The following TNNI3K variants were observed in gnomAD, a reference collection of about 807,000 sequenced individuals.
The protein encoded by TNNI3K is TNNI3 interacting kinase, also known as serine/threonine-protein kinase TNNI3K.
TNNI3K carries 140 observed loss-of-function variants against 114.5 expected under a neutral mutation model. The observed-to-expected ratio is 1.22, with a 90% CI of 1.07 to 1.41. The LOEUF is 1.41. Ranked by LOEUF, TNNI3K falls within the 40% of genes most tolerant of loss-of-function variation. The pLI, the probability that TNNI3K is intolerant of heterozygous loss-of-function variation, is 0.00. For missense variants in TNNI3K, 1,125 were observed against 1,007.6 expected (o/e 1.12, Z -1.58); for synonymous variants, 347 against 347.5 (o/e 1.00, Z 0.02).
intron 21 of TNNI3K, chr1:74,468,265 G>GAAA (rs200871932): frequency 7.8e-6 from 1 of 128,970 alleles, no homozygotes; most frequent in South Asian, 2.4e-4. Context: ...TAAAGAAGAA[G>GAAA]AAAAAAAAAA....
intron 5 of TNNI3K, among the ~76,000 whole-genome samples, chr1:74,289,486 G>GCATTACAGTCCTGTGCTATA (rs369263112): frequency 7.5e-4 from 2 of 2,678 alleles, no homozygotes; most frequent in Admixed American, 5.0e-3. Context: ...CATAGGTAGT[G>GCATTACAGTCCTGTGCTATA]TCATTAGTCT....
chr1:74,471,104 A>G (rs1667910246), intron 21 of TNNI3K: 1 of 400,722 alleles, frequency 2.5e-6, no homozygotes, highest in Admixed American at 4.4e-5. Flanking sequence ...GGTTGGGGCA[A>G]TTTTGATGTG....
chr1:74,333,216 G>A (rs1660303566), intron 6 of TNNI3K, among the ~76,000 whole-genome samples: 2 of 152,154 alleles, frequency 1.3e-5, no homozygotes, highest in African/African-American at 2.4e-5. Flanking sequence ...TCCTCTGCTA[G>A]CTGGCATATG....
intron 21 of TNNI3K, among the ~76,000 whole-genome samples, chr1:74,466,093 G>T (rs76063116): frequency 1.3e-5 from 2 of 152,162 alleles, no homozygotes; most frequent in African/African-American, 4.8e-5. Flanking sequence ...GCAAGACCAC[G>T]AACCCACCAG....
rs138609658 is a variant in TNNI3K at position 74,540,599 on chromosome 1, CT to C, written c.2431+293del. Among the ~76,000 whole-genome samples, 676 of 110,222 alleles carry C rather than the reference CT, an allele frequency of 6.1e-3. 2 individuals are homozygous for C. The highest frequency in any genetic ancestry group is 0.022 in the African/African-American group (496 of 22,046). 72.3% of individuals were successfully genotyped at this position (110,222 alleles called of 152,430 possible). ...TGTGTACATAGAAAAAAGTACAACT[CT>C]TTTTTTAAAAAAAAAAAAAAACTCC... On this transcript the variant is annotated intron_variant, in intron 24 of 24. Coordinates refer to ENST00000326637, the MANE Select transcript of TNNI3K (RefSeq NM_015978.3).
intron 17 of TNNI3K, among the ~76,000 whole-genome samples, chr1:74,402,347 ATAG>A (rs1228902160): frequency 6.6e-6 from 1 of 152,206 alleles, no homozygotes; most frequent in Non-Finnish European, 1.5e-5. Context: ...AAAGCAAGGA[ATAG>A]TAAGATATTA....
At chr1:74,348,813 A>G (rs1353626170) in intron 9 of TNNI3K, among the ~76,000 whole-genome samples, 1 of 152,128 alleles carries the variant, frequency 6.6e-6, no homozygotes, top group Non-Finnish European at 1.5e-5. Context: ...TTATTGGTGT[A>G]TAAGAATGCT....
intron 23 of TNNI3K, among the ~76,000 whole-genome samples, chr1:74,513,288 G>T (rs1286083449): frequency 6.6e-6 from 1 of 152,188 alleles, no homozygotes; most frequent in Non-Finnish European, 1.5e-5. Flanking sequence ...AATTTACTGA[G>T]TCCCTGTCCT....
chr1:74,271,178 A>G (rs934137997), intron 4 of TNNI3K, among the ~76,000 whole-genome samples: 5 of 151,902 alleles, frequency 3.3e-5, no homozygotes, highest in African/African-American at 1.2e-4. Flanking sequence ...CTCTTCTTAA[A>G]TGGCATATTT....
chr1:74,331,436 A>G lies in TNNI3K; in HGVS notation c.445-14A>G, dbSNP rs1202175862. ...TCAACTGAAGTTCTTAACCATAATCATTTTCTTGTCCAGGCTGCTGATGTG... is the reference window on the plus strand; with the variant it reads ...TCAACTGAAGTTCTTAACCATAATCGTTTTCTTGTCCAGGCTGCTGATGTG... On this transcript the variant is annotated splice_polypyrimidine_tract_variant and intron_variant, in intron 5 of 24. Coordinates refer to ENST00000326637, the MANE Select transcript of TNNI3K (RefSeq NM_015978.3). 2 of 1,610,684 alleles carry G rather than the reference A, an allele frequency of 1.2e-6. No individual in the cohort carries two copies. The highest frequency in any genetic ancestry group is 1.7e-6 in the Non-Finnish European group (2 of 1,178,834).
intron 5 of TNNI3K, among the ~76,000 whole-genome samples, chr1:74,330,131 T>C (rs1660119151): frequency 6.6e-6 from 1 of 152,064 alleles, no homozygotes; most frequent in Non-Finnish European, 1.5e-5. Flanking sequence ...AAATTGGAAA[T>C]ATTAACAAGT....
chr1:74,496,148 A>G (rs1266710699), intron 23 of TNNI3K, among the ~76,000 whole-genome samples: 1 of 152,180 alleles, frequency 6.6e-6, no homozygotes, highest in Non-Finnish European at 1.5e-5. Flanking sequence ...GGTGATTCCA[A>G]TATACATCCA....
chr1:74,390,612 G>C (rs776762464), intron 17 of TNNI3K, among the ~76,000 whole-genome samples: 10 of 152,090 alleles, frequency 6.6e-5, no homozygotes, highest in African/African-American at 9.7e-5. Flanking sequence ...TGAGGTTATA[G>C]GATTAAGTAA....
chr1:74,312,279 A>G (rs1356541899), intron 5 of TNNI3K, among the ~76,000 whole-genome samples: 1 of 152,208 alleles, frequency 6.6e-6, no homozygotes, highest in Non-Finnish European at 1.5e-5. Flanking sequence ...CCTGCCAAAG[A>G]GGGCAGTGCC....
chr1:74,475,691 C>A (rs753594365), intron 21 of TNNI3K: 8 of 712,924 alleles, frequency 1.1e-5, no homozygotes, highest in South Asian at 1.0e-4. Flanking sequence ...GCCTCATGAG[C>A]ACACAGGGGT....
chr1:74,435,963 A>C, intron 17 of TNNI3K, 117 bp from the exon 18 acceptor site: 1 of 1,366,044 alleles, frequency 7.3e-7, no homozygotes, highest in Non-Finnish European at 9.8e-7. Flanking sequence ...TTTGGGGCCC[A>C]TTTATTCTCT....
intron 17 of TNNI3K, among the ~76,000 whole-genome samples, chr1:74,397,954 G>A (rs1664171397): frequency 6.6e-6 from 1 of 152,186 alleles, no homozygotes; most frequent in South Asian, 2.1e-4. Context: ...ACACACCTTT[G>A]GAAAGATCTG....
At position 74,444,656 on chromosome 1, in the gene TNNI3K, G is replaced by A. The variant is rs112304369; in HGVS notation, c.2011+5034G>A. ...CTATTACCATTAAGTAACTATTGACGTTCTTCACAGAATTAGAAAAAAAAT... is the reference window on the plus strand; with the variant it reads ...CTATTACCATTAAGTAACTATTGACATTCTTCACAGAATTAGAAAAAAAAT... On this transcript the variant is annotated intron_variant, in intron 20 of 24. Coordinates refer to ENST00000326637, the MANE Select transcript of TNNI3K (RefSeq NM_015978.3). Among the ~76,000 whole-genome samples the A allele has an allele frequency of 6.8e-3, 1,038 of 151,868 alleles. 14 individuals carry two copies. The highest frequency in any genetic ancestry group is 0.023 in the African/African-American group (966 of 41,410).
At chr1:74,348,238 C>A (rs4650255) in intron 9 of TNNI3K, among the ~76,000 whole-genome samples, 4 of 152,094 alleles carry the variant, frequency 2.6e-5, no homozygotes, top group African/African-American at 9.7e-5. Context: ...TTCCCAGCAC[C>A]ATTTATTAAA....
Sources: allele counts gnomAD v4.1 joint callset (sites outside exome capture counted in the v4.1 genomes callset), GRCh38; gene constraint gnomAD v4.1.1; transcripts MANE v1.5; gene names NCBI Gene and HGNC (gene_info 2026-07-23, HGNC 2026-07-21).